Variants in NKAIN2 observed in about 807,000 individuals in gnomAD.
NKAIN2 encodes sodium/potassium transporting ATPase interacting 2.
A neutral mutation model predicts 32.6 loss-of-function variants in NKAIN2; 14 were observed. The ratio of observed to expected loss-of-function variants is 0.43; its 90% CI spans 0.28 to 0.67. NKAIN2 has a LOEUF of 0.67. Ranked by LOEUF, NKAIN2 falls within the 30% of genes least tolerant of loss-of-function variation. The pLI, the probability that NKAIN2 is intolerant of heterozygous loss-of-function variation, is 0.17. For missense variants in NKAIN2, 198 were observed against 258.3 expected, an observed-to-expected ratio of 0.77 and a Z score of 1.60; for synonymous variants, 80 against 87.2, an observed-to-expected ratio of 0.92 and a Z score of 0.46.
chr6:124,202,375 A>C (rs1220904378), intron 1 of NKAIN2, among the ~76,000 whole-genome samples: 1 of 151,952 alleles, frequency 6.6e-6, no homozygotes, highest in Non-Finnish European at 1.5e-5. Context: ...GCAGAAACCA[A>C]GTCTAATTAT....
chr6:124,458,888 GAGAA>G (rs534930276), intron 3 of NKAIN2, among the ~76,000 whole-genome samples: 144 of 151,844 alleles, frequency 9.5e-4, no homozygotes, highest in African/African-American at 3.3e-3. Context: ...CAGAAAATGG[GAGAA>G]AGAATCTGCT....
chr6:124,726,375 T>A (rs1460925229), intron 4 of NKAIN2, among the ~76,000 whole-genome samples: 2 of 151,190 alleles, frequency 1.3e-5, no homozygotes, highest in Non-Finnish European at 3.0e-5. Context: ...ACGGGCAGAC[T>A]GCCTCCTCAA....
intron 4 of NKAIN2, among the ~76,000 whole-genome samples, chr6:124,704,037 T>C (rs1774928169): frequency 6.6e-6 from 1 of 152,018 alleles, no homozygotes; most frequent in South Asian, 2.1e-4. Context: ...TAATTGCATG[T>C]ATACCAAAAT....
intron 3 of NKAIN2, among the ~76,000 whole-genome samples, chr6:124,525,011 G>A (rs1779259098): frequency 6.6e-6 from 1 of 152,202 alleles, no homozygotes; most frequent in Admixed American, 6.5e-5. Context: ...ACACTGGGAA[G>A]ATAAGAACTG....
At chr6:124,268,118 A>G (rs1016273285) in intron 1 of NKAIN2, among the ~76,000 whole-genome samples, 10 of 152,126 alleles carry the variant, frequency 6.6e-5, no homozygotes, top group African/African-American at 2.4e-4. Flanking sequence ...ATATACTTGC[A>G]TTTGTGTTTA....
At chr6:124,231,364 G>C (rs1382871533) in intron 1 of NKAIN2, among the ~76,000 whole-genome samples, 1 of 152,158 alleles carries the variant, frequency 6.6e-6, no homozygotes, top group African/African-American at 2.4e-5. Flanking sequence ...CAACTTTTGA[G>C]CTAATGCTGA....
chr6:124,581,294 C>A (rs1781510631), intron 3 of NKAIN2, among the ~76,000 whole-genome samples: 1 of 151,576 alleles, frequency 6.6e-6, no homozygotes, highest in South Asian at 2.1e-4. Context: ...AAAAAATTAG[C>A]CAGGCGCGGT....
intron 1 of NKAIN2, among the ~76,000 whole-genome samples, chr6:123,821,992 G>A (rs1316676): frequency 0.28 from 42,696 of 151,870 alleles, 8,674 homozygotes; most frequent in East Asian, 0.58. Context: ...TCCCTTTAGA[G>A]TGAGAAAATA....
intron 1 of NKAIN2, among the ~76,000 whole-genome samples, chr6:123,933,491 T>C (rs1304897625): frequency 6.6e-6 from 1 of 152,256 alleles, no homozygotes; most frequent in Admixed American, 6.5e-5. Context: ...TGGTCTCATT[T>C]ACCAACAGTT....
At chr6:123,868,759 G>A (rs1172646459) in intron 1 of NKAIN2, among the ~76,000 whole-genome samples, 2 of 152,140 alleles carry the variant, frequency 1.3e-5, no homozygotes, top group African/African-American at 4.8e-5. Flanking sequence ...TACACATTTT[G>A]TGTAGAAATA....
intron 3 of NKAIN2, among the ~76,000 whole-genome samples, chr6:124,478,679 T>A (rs979614293): frequency 2.6e-5 from 4 of 152,220 alleles, no homozygotes; most frequent in South Asian, 2.1e-4. Flanking sequence ...TATTCTGATA[T>A]AAGTAAATGA....
At chr6:124,719,997 C>A in intron 4 of NKAIN2, among the ~76,000 whole-genome samples, 1 of 152,216 alleles carries the variant, frequency 6.6e-6, no homozygotes, top group East Asian at 1.9e-4. Context: ...AAGAGAATGT[C>A]AAATTCTTTC....
At chr6:123,928,213 A>C (rs1198997461) in intron 1 of NKAIN2, among the ~76,000 whole-genome samples, 1 of 152,242 alleles carries the variant, frequency 6.6e-6, no homozygotes, top group African/African-American at 2.4e-5. Flanking sequence ...GTACTCATGG[A>C]CATAAAGATG....
intron 3 of NKAIN2, among the ~76,000 whole-genome samples, chr6:124,368,942 GA>G (rs1226786016): frequency 6.6e-6 from 1 of 151,988 alleles, no homozygotes; most frequent in East Asian, 1.9e-4. Flanking sequence ...AGGCTCTTTT[GA>G]AAAATAAAAT....
At chr6:124,101,408 G>T (rs1300980777) in intron 1 of NKAIN2, among the ~76,000 whole-genome samples, 6 of 152,158 alleles carry the variant, frequency 3.9e-5, no homozygotes, top group African/African-American at 1.4e-4. Flanking sequence ...TATCATTTAG[G>T]AATAATGGCT....
At chr6:124,324,958 G>T (rs1489249695) in intron 2 of NKAIN2, among the ~76,000 whole-genome samples, 1 of 151,766 alleles carries the variant, frequency 6.6e-6, no homozygotes, top group East Asian at 1.9e-4. Flanking sequence ...TTTTGTTAAG[G>T]ATTTTTGCAT....
At chr6:124,467,116 A>G (rs1052396513) in intron 3 of NKAIN2, among the ~76,000 whole-genome samples, 5 of 152,126 alleles carry the variant, frequency 3.3e-5, no homozygotes, top group Non-Finnish European at 5.9e-5. Context: ...ACATGAGTCA[A>G]TGTTTATTTT....
At chr6:124,110,389 TTTC>T (rs1257700678) in intron 1 of NKAIN2, among the ~76,000 whole-genome samples, 1 of 152,070 alleles carries the variant, frequency 6.6e-6, no homozygotes, top group African/African-American at 2.4e-5. Context: ...TTTTTTCTCT[TTTC>T]TTTTTAAAAA....
chr6:124,781,021 T>A (rs1779240293), intron 4 of NKAIN2, among the ~76,000 whole-genome samples: 1 of 152,232 alleles, frequency 6.6e-6, no homozygotes, highest in Non-Finnish European at 1.5e-5. Context: ...GCTCTGCTAA[T>A]TCAAAGCTCA....
Sources: allele counts gnomAD v4.1 joint callset (sites outside exome capture counted in the v4.1 genomes callset), GRCh38; gene constraint gnomAD v4.1.1; transcripts MANE v1.5; gene names NCBI Gene and HGNC (gene_info 2026-07-23, HGNC 2026-07-21).